Variants in PLEKHB2 observed in about 807,000 individuals in gnomAD.
The protein encoded by PLEKHB2 is pleckstrin homology domain-containing family B member 2.
PLEKHB2 carries 31 observed loss-of-function variants against 36.5 expected under a neutral mutation model. The ratio of observed to expected loss-of-function variants is 0.85; its 90% CI spans 0.64 to 1.15. The LOEUF is 1.15. Among genes scored for constraint, PLEKHB2 ranks in the 50% most tolerant of loss-of-function variants. The pLI, the probability that PLEKHB2 is intolerant of heterozygous loss-of-function variation, is 0.00. For synonymous variants in PLEKHB2, 119 were observed against 112.0 expected (o/e 1.06, Z -0.39); for missense variants, 262 against 295.3 (o/e 0.89, Z 0.83).
intron 1 of PLEKHB2, among the ~76,000 whole-genome samples, chr2:131,110,077 T>C (rs1252935465): frequency 6.6e-6 from 1 of 152,004 alleles, no homozygotes; most frequent in African/African-American, 2.4e-5. Context: ...ATCGCGCCAC[T>C]GCCCTCCAGC....
Position 131,149,291 on chromosome 2 carries a change from G to A in PLEKHB2, c.*2518G>A, listed in dbSNP as rs1573655502. On this transcript the variant is annotated 3_prime_UTR_variant, in exon 8 of 8. Transcript: ENST00000693505. ...TCTTTTGTTTACAGTGCTACACTTA[G>A]TGTGAGTCAAGAAGTGCTTGAGTTA... The A allele has an allele frequency of 6.6e-6, 1 of 152,224 alleles. No homozygotes were observed. Among genetic ancestry groups the A allele is most frequent in the East Asian group, 1.9e-4 (1 of 5,196 alleles). The allele number at this position is 152,224 out of a possible 1,614,324, so 9.4% of individuals were successfully genotyped here.
chr2:131,142,205 C>T (rs949163339), intron 7 of PLEKHB2, among the ~76,000 whole-genome samples: 16 of 152,210 alleles, frequency 1.1e-4, no homozygotes, highest in Non-Finnish European at 2.1e-4. Context: ...TCCACACAGG[C>T]GGTGCCCCAG....
rs1042930607 is a variant in PLEKHB2, at chr2:131,149,406, A to G, written c.*2633A>G. ...TACCTTGAAGAAGTTGGCCAATGAT[A>G]TTATATACATGCTGATCTGATTGTT... On this transcript the variant is annotated 3_prime_UTR_variant, in exon 8 of 8. Coordinates refer to ENST00000693505, the MANE Select transcript of PLEKHB2 (RefSeq NM_001100623.2). 1.3e-5 allele frequency: 2 copies of G among 152,208 alleles called. No homozygotes were observed. The highest frequency in any genetic ancestry group is 2.9e-5 in the Non-Finnish European group (2 of 68,048). The allele number at this position is 152,208 out of a possible 1,614,324, so 9.4% of individuals were successfully genotyped here.
At chr2:131,140,878 G>A (rs1698718625) in intron 7 of PLEKHB2, among the ~76,000 whole-genome samples, 1 of 152,226 alleles carries the variant, frequency 6.6e-6, no homozygotes, top group South Asian at 2.1e-4. Flanking sequence ...CAGAGCTGTG[G>A]CCGATGGCCA....
At chr2:131,137,820 A>G (rs1698418176) in intron 6 of PLEKHB2, among the ~76,000 whole-genome samples, 1 of 151,532 alleles carries the variant, frequency 6.6e-6, no homozygotes, top group African/African-American at 2.4e-5. Flanking sequence ...TATAATGTGT[A>G]TTTGTGTGGA....
At chr2:131,133,974 A>C (rs1697977306) in intron 6 of PLEKHB2, among the ~76,000 whole-genome samples, 1 of 146,334 alleles carries the variant, frequency 6.8e-6, no homozygotes, top group Non-Finnish European at 1.5e-5. Flanking sequence ...ATCTCGGCTC[A>C]CTAAAAGCTC....
At chr2:131,146,555 G>A in intron 7 of PLEKHB2, 82 bp from the exon 8 acceptor site, 1 of 1,428,574 alleles carries the variant, frequency 7.0e-7, no homozygotes, top group Non-Finnish European at 9.5e-7. Context: ...GATCCCTTTT[G>A]TGAAAGGAGA....
intron 4 of PLEKHB2, among the ~76,000 whole-genome samples, chr2:131,127,851 A>G (rs552696848): frequency 6.6e-6 from 1 of 152,300 alleles, no homozygotes; most frequent in South Asian, 2.1e-4. Context: ...AAAGCTAGGG[A>G]AAAAATCCTT....
chr2:131,128,496 CTATT>C (rs1230023374), intron 4 of PLEKHB2, among the ~76,000 whole-genome samples: 1 of 152,186 alleles, frequency 6.6e-6, no homozygotes, highest in African/African-American at 2.4e-5. Context: ...CATCTATCAA[CTATT>C]TATCTTGTTC....
chr2:131,143,198 T>G (rs1432248530), intron 7 of PLEKHB2, among the ~76,000 whole-genome samples: 1 of 152,240 alleles, frequency 6.6e-6, no homozygotes, highest in African/African-American at 2.4e-5. Flanking sequence ...AAATGCATTT[T>G]GACTATGATG....
chr2:131,116,448 C>T (rs975467483), intron 1 of PLEKHB2, among the ~76,000 whole-genome samples: 1 of 152,156 alleles, frequency 6.6e-6, no homozygotes, highest in Non-Finnish European at 1.5e-5. Context: ...GAGGTTTAGT[C>T]GACTCAAGAG....
chr2:131,113,333 A>G (rs923475786), intron 1 of PLEKHB2, among the ~76,000 whole-genome samples: 2 of 152,052 alleles, frequency 1.3e-5, no homozygotes, highest in Non-Finnish European at 2.9e-5. Context: ...TTCTCCTCCT[A>G]AAATGTTGGG....
intron 4 of PLEKHB2, among the ~76,000 whole-genome samples, chr2:131,128,656 C>G (rs116810203): frequency 0.022 from 3,286 of 152,192 alleles, 123 homozygotes; most frequent in African/African-American, 0.075. Context: ...GTCTTCCCTT[C>G]AATACAACCC....
intron 4 of PLEKHB2, 155 bp downstream of exon 4, chr2:131,126,941 C>T: frequency 1.7e-6 from 1 of 590,892 alleles, no homozygotes; most frequent in Non-Finnish European, 3.0e-6. Context: ...AGTCGCTTTT[C>T]CAATTCTAGT....
chr2:131,131,049 A>G (rs1697625826), intron 5 of PLEKHB2, among the ~76,000 whole-genome samples: 1 of 152,192 alleles, frequency 6.6e-6, no homozygotes, highest in South Asian at 2.1e-4. Flanking sequence ...TTCGCCTCCC[A>G]AAGTGCTGGG....
At chr2:131,122,502 C>T (rs1696619044) in intron 2 of PLEKHB2, among the ~76,000 whole-genome samples, 1 of 152,118 alleles carries the variant, frequency 6.6e-6, no homozygotes, top group Non-Finnish European at 1.5e-5. Flanking sequence ...GTTTGTGTTC[C>T]TGTTAAATAG....
intron 5 of PLEKHB2, among the ~76,000 whole-genome samples, chr2:131,131,085 G>A (rs534179623): frequency 1.4e-4 from 22 of 152,216 alleles, no homozygotes; most frequent in African/African-American, 2.2e-4. Flanking sequence ...CACCACACCC[G>A]GCCACCAGTA....
At chr2:131,141,696 T>G (rs966947966) in intron 7 of PLEKHB2, among the ~76,000 whole-genome samples, 5 of 152,074 alleles carry the variant, frequency 3.3e-5, no homozygotes, top group Non-Finnish European at 7.4e-5. Flanking sequence ...TCCATTGTCT[T>G]GTGAGCCTAG....
intron 1 of PLEKHB2, chr2:131,120,650 G>T: frequency 2.1e-6 from 1 of 487,628 alleles, no homozygotes; most frequent in South Asian, 2.1e-5. Context: ...GCTAAATCCT[G>T]TGTCCCTGGG....
Sources: gnomAD v4.1 joint callset for allele counts (sites outside exome capture counted in the v4.1 genomes callset) on GRCh38, gnomAD v4.1.1 for gene constraint, MANE v1.5 for transcripts, NCBI Gene and HGNC (gene_info 2026-07-23, HGNC 2026-07-21) for gene names.